TOGARAM2: variants seen among roughly 807,000 people sequenced by gnomAD.
The protein encoded by TOGARAM2 is TOG array regulator of axonemal microtubules protein 2.
Under a neutral mutation model 93.3 loss-of-function variants are expected in TOGARAM2, and 85 were observed. That is an observed-to-expected ratio of 0.91 (90% CI 0.76 to 1.09). The LOEUF (loss-of-function observed/expected upper bound fraction) is 1.09, where lower values mean the gene tolerates loss of function less well. Ranked by LOEUF, TOGARAM2 falls within the 50% of genes least tolerant of loss-of-function variation. The pLI is 0.00. For missense variants in TOGARAM2, 1,277 were observed against 1,334.5 expected, an observed-to-expected ratio of 0.96 and a Z score of 0.67; for synonymous variants, 593 against 552.8, an observed-to-expected ratio of 1.07 and a Z score of -1.02.
intron 1 of TOGARAM2, among the ~76,000 whole-genome samples, chr2:28,975,187 T>C (rs1270083105): frequency 6.6e-6 from 1 of 152,002 alleles, no homozygotes; most frequent in Non-Finnish European, 1.5e-5. Context: ...TTTTTTTAAT[T>C]TTTATTGTTA....
chr2:28,972,013 C>T (rs1389012395), intron 1 of TOGARAM2, among the ~76,000 whole-genome samples: 5 of 152,070 alleles, frequency 3.3e-5, no homozygotes, highest in South Asian at 4.1e-4. Flanking sequence ...ATTGGAACGT[C>T]GTAATACACA....
chr2:28,963,729 C>G (rs770482607), intron 1 of TOGARAM2, among the ~76,000 whole-genome samples: 1 of 152,064 alleles, frequency 6.6e-6, no homozygotes, highest in African/African-American at 2.4e-5. Flanking sequence ...TGTACCTGGC[C>G]GAATGCGGTG....
At chr2:29,004,739 CAT>C (rs1491541279) in intron 6 of TOGARAM2, among the ~76,000 whole-genome samples, 6 of 51,434 alleles carry the variant, frequency 1.2e-4, no homozygotes, top group East Asian at 1.1e-3. Flanking sequence ...TGAGTGCATG[CAT>C]GTGTGTGTGT....
intron 1 of TOGARAM2, among the ~76,000 whole-genome samples, chr2:28,975,289 T>A (rs563781846): frequency 6.6e-6 from 1 of 151,796 alleles, no homozygotes; most frequent in Non-Finnish European, 1.5e-5. Flanking sequence ...CCCAGGTTCA[T>A]GCCATTCTCC....
chr2:29,033,635 C>A, intron 16 of TOGARAM2, 72 bp downstream of exon 16: 1 of 1,462,056 alleles, frequency 6.8e-7, no homozygotes, highest in South Asian at 1.2e-5. Flanking sequence ...TGTCCATGGC[C>A]AGGGGTGGCT....
At chr2:29,010,528 G>C (rs1558429964) in intron 6 of TOGARAM2, among the ~76,000 whole-genome samples, 2 of 152,106 alleles carry the variant, frequency 1.3e-5, no homozygotes, top group East Asian at 3.9e-4. Context: ...CAGGCACTGA[G>C]GGGGGCTGTC....
At chr2:29,013,714 T>C (rs1407199707) in intron 7 of TOGARAM2, among the ~76,000 whole-genome samples, 1 of 152,232 alleles carries the variant, frequency 6.6e-6, no homozygotes, top group Non-Finnish European at 1.5e-5. Flanking sequence ...CTAGCTGCGA[T>C]GGCAGCTAGC....
intron 1 of TOGARAM2, among the ~76,000 whole-genome samples, chr2:28,969,851 TG>T (rs1283727276): frequency 6.6e-6 from 1 of 150,486 alleles, no homozygotes; most frequent in Admixed American, 6.7e-5. Context: ...TCGCTCTTAT[TG>T]CCCAGGCTGG....
At chr2:29,033,993 T>G (rs974066241) in intron 16 of TOGARAM2, among the ~76,000 whole-genome samples, 15 of 151,808 alleles carry the variant, frequency 9.9e-5, no homozygotes, top group African/African-American at 3.6e-4. Flanking sequence ...GGAGGGGGTG[T>G]GGGGTTGCTG....
intron 14 of TOGARAM2, chr2:29,032,663 T>C (rs1665838309): frequency 2.6e-6 from 1 of 380,138 alleles, no homozygotes; most frequent in African/African-American, 2.1e-5. Context: ...ACAACTTGTA[T>C]ATACATTCTG....
intron 1 of TOGARAM2, among the ~76,000 whole-genome samples, chr2:28,965,634 T>G (rs1437076605): frequency 6.6e-6 from 1 of 152,204 alleles, no homozygotes; most frequent in Non-Finnish European, 1.5e-5. Flanking sequence ...AATTGTACCC[T>G]CTTGTGCACA....
At position 28,991,031 on chromosome 2, in the gene TOGARAM2, TGTGTGTGTG is replaced by T. The variant is rs1179379716; in HGVS notation, c.-110-3692_-110-3684del. Among the ~76,000 whole-genome samples, 39 of 140,704 alleles carry T rather than the reference TGTGTGTGTG, an allele frequency of 2.8e-4. 1 individual carries two copies. Among genetic ancestry groups the T allele is most frequent in the African/African-American group, 1.0e-3 (37 of 35,678 alleles). The allele number at this position is 140,704 out of a possible 152,430, so 92.3% of individuals were successfully genotyped here. Reference sequence around the variant, plus strand: ...GTGTGTGTGTGTGTGTGTGTGTGTGTGTGTGTGTGGCTTTTCCCCAGGGAAAAAGAAGGA... The same window carrying T: ...GTGTGTGTGTGTGTGTGTGTGTGTGTGCTTTTCCCCAGGGAAAAAGAAGGA... On this transcript the variant is annotated intron_variant, in intron 1 of 19. Coordinates refer to ENST00000379558, the MANE Select transcript of TOGARAM2 (RefSeq NM_199280.4).
At chr2:28,998,315 T>A in intron 3 of TOGARAM2, 62 bp downstream of exon 3, 1 of 1,160,316 alleles carries the variant, frequency 8.6e-7, no homozygotes, top group Non-Finnish European at 1.2e-6. Flanking sequence ...GGGGAGTGAG[T>A]GTGGTAGATG....
intron 7 of TOGARAM2, among the ~76,000 whole-genome samples, 173 bp downstream of exon 7, chr2:29,011,674 G>T (rs965680236): frequency 3.9e-5 from 6 of 152,212 alleles, no homozygotes; most frequent in African/African-American, 9.6e-5. Flanking sequence ...GTGGCAGCGG[G>T]CCCGGGCGAG....
At position 29,003,498 on chromosome 2, in the gene TOGARAM2, A is replaced by G; in HGVS notation, c.646A>G (p.Ile216Val). The change falls in exon 6 of 20, where the codon ATC becomes GTC. Residue 216 changes from isoleucine (I) to valine (V), a missense_variant. By Grantham distance (29) the Ile-to-Val change is conservative. Transcript: ENST00000379558. ...GTCCCGCCTCTGCTCCCAGGCGCAG[A>G]TCTCCTGGCAATACCTGCACTGCAA... ...ELRPGAQEAQ[I>V]SWQYLHCNDE... 1.3e-6 allele frequency: 2 copies of G among 1,533,362 alleles called. No homozygotes were observed. The highest frequency in any genetic ancestry group is 8.8e-7 in the Non-Finnish European group (1 of 1,139,986). 95.0% of individuals were successfully genotyped at this position (1,533,362 alleles called of 1,614,324 possible).
upstream of TOGARAM2, among the ~76,000 whole-genome samples, chr2:28,979,107 C>T (rs916699831): frequency 2.0e-5 from 3 of 152,174 alleles, no homozygotes; most frequent in South Asian, 2.1e-4. Context: ...AGCCTGGCTG[C>T]CCTCCCCACC....
chr2:29,022,156 AG>A lies in TOGARAM2; in HGVS notation c.1361-1del, dbSNP rs1238648205. 6.2e-7 allele frequency: 1 copy of A among 1,614,002 alleles called. No homozygotes were observed. ...CCTGCTGTTTCTTTCTTGTGAATGC[AG>A]CTAACTCATTACCTGCGGTGCTCAC... On this transcript the variant is annotated splice_acceptor_variant, in intron 10 of 19. Transcript: ENST00000379558. LOFTEE classifies it high-confidence loss of function.
At chr2:28,964,253 T>C (rs1426733418) in intron 1 of TOGARAM2, among the ~76,000 whole-genome samples, 2 of 152,246 alleles carry the variant, frequency 1.3e-5, no homozygotes, top group East Asian at 3.8e-4. Context: ...TTTAAGACTG[T>C]TACATCTTCT....
chr2:29,023,022 C>A, intron 11 of TOGARAM2, 64 bp from the exon 12 acceptor site: 1 of 1,450,020 alleles, frequency 6.9e-7, no homozygotes, highest in Non-Finnish European at 9.4e-7. Flanking sequence ...GGCCCCTAGT[C>A]TGCAGAGGGG....
Sources: allele counts gnomAD v4.1 joint callset (sites outside exome capture counted in the v4.1 genomes callset), GRCh38; gene constraint gnomAD v4.1.1; transcripts MANE v1.5; gene names NCBI Gene and HGNC (gene_info 2026-07-23, HGNC 2026-07-21).